The following SPSB4 variants were observed in gnomAD, a reference collection of about 807,000 sequenced individuals.
SPSB4 encodes the protein SPRY domain-containing SOCS box protein 4.
Under a neutral mutation model 20.9 loss-of-function variants are expected in SPSB4, and 21 were observed. The ratio of observed to expected loss-of-function variants is 1.01; its 90% confidence interval spans 0.71 to 1.45. The LOEUF is 1.45. Ranked by LOEUF, SPSB4 falls within the 40% of genes most tolerant of loss-of-function variation. The pLI, the probability that SPSB4 is intolerant of heterozygous loss-of-function variation, is 0.00. For synonymous variants in SPSB4, 207 were observed against 183.8 expected, an observed-to-expected ratio of 1.13 and a Z score of -1.02; for missense variants, 399 against 399.2, an observed-to-expected ratio of 1.00 and a Z score of 0.00.
chr3:141,060,975 G>C (rs1937749286), intron 1 of SPSB4, among the ~76,000 whole-genome samples: 1 of 152,004 alleles, frequency 6.6e-6, no homozygotes, highest in African/African-American at 2.4e-5. Context: ...TATATTTGTT[G>C]GTAATTTGTG....
intron 1 of SPSB4, among the ~76,000 whole-genome samples, chr3:141,063,697 G>A (rs866948590): frequency 5.3e-5 from 8 of 152,276 alleles, no homozygotes; most frequent in Admixed American, 3.3e-4. Flanking sequence ...TGTCCTGTTC[G>A]TTTATTCCTT....
At chr3:141,088,110 T>C (rs763537207) in intron 2 of SPSB4, among the ~76,000 whole-genome samples, 3 of 152,158 alleles carry the variant, frequency 2.0e-5, no homozygotes, top group Non-Finnish European at 4.4e-5. Flanking sequence ...GAGTTCCATC[T>C]GGTCCTGAAA....
At chr3:141,141,272 C>T (rs1013170519) in intron 2 of SPSB4, among the ~76,000 whole-genome samples, 2 of 152,234 alleles carry the variant, frequency 1.3e-5, no homozygotes, top group Non-Finnish European at 2.9e-5. Context: ...TGACCCCTTG[C>T]ACTTCCCAGG....
At chr3:141,135,723 T>G (rs1480979111) in intron 2 of SPSB4, among the ~76,000 whole-genome samples, 1 of 152,232 alleles carries the variant, frequency 6.6e-6, no homozygotes, top group Non-Finnish European at 1.5e-5. Context: ...GTGCCATATT[T>G]TCTTAATCCA....
intron 2 of SPSB4, among the ~76,000 whole-genome samples, chr3:141,123,156 T>G (rs1453990075): frequency 6.6e-6 from 1 of 152,262 alleles, no homozygotes; most frequent in African/African-American, 2.4e-5. Context: ...TAATCCTTAG[T>G]TGTAATACAC....
intron 2 of SPSB4, among the ~76,000 whole-genome samples, chr3:141,069,649 GCACT>G (rs1228225565): frequency 1.3e-5 from 2 of 152,188 alleles, no homozygotes; most frequent in Non-Finnish European, 2.9e-5. Flanking sequence ...CCTGGCCCCA[GCACT>G]CAACAAATGG....
At chr3:141,077,194 G>T (rs1938131566) in intron 2 of SPSB4, 1 of 152,224 alleles carries the variant, frequency 6.6e-6, no homozygotes, top group Non-Finnish European at 1.5e-5. Context: ...AGGACTCGGT[G>T]CCTCCTTAAT....
At chr3:141,080,230 T>G (rs1360030371) in intron 2 of SPSB4, 1 of 152,200 alleles carries the variant, frequency 6.6e-6, no homozygotes. Flanking sequence ...GGTTGCACCA[T>G]GAGTGGTAGA....
chr3:141,086,953 GTGCTATCCTGCTTGGGA>G (rs995877516), intron 2 of SPSB4, among the ~76,000 whole-genome samples: 15 of 152,196 alleles, frequency 9.9e-5, no homozygotes, highest in Non-Finnish European at 1.8e-4. Context: ...TCCAGAGCCT[GTGCTATCCTGCTTGGGA>G]ACACTGATTC....
chr3:141,070,395 C>T (rs1266861660), intron 2 of SPSB4, among the ~76,000 whole-genome samples: 3 of 152,004 alleles, frequency 2.0e-5, no homozygotes, highest in Admixed American at 2.0e-4. Context: ...TGCGGTTGTG[C>T]AATCATTGCT....
intron 2 of SPSB4, among the ~76,000 whole-genome samples, chr3:141,092,325 A>T (rs1185418117): frequency 6.6e-6 from 1 of 152,242 alleles, no homozygotes; most frequent in East Asian, 1.9e-4. Context: ...TATTAGCATT[A>T]GCATTAGCAT....
At chr3:141,083,246 G>A (rs1428946044) in intron 2 of SPSB4, among the ~76,000 whole-genome samples, 1 of 152,216 alleles carries the variant, frequency 6.6e-6, no homozygotes, top group Admixed American at 6.5e-5. Context: ...AGGAGATAGA[G>A]GGCTAGAGTG....
rs141152118 is a variant in SPSB4 at position 141,066,631 on chromosome 3, C to T, written c.527C>T (p.Ser176Leu). 1,247 of 1,609,292 alleles carry T rather than the reference C, an allele frequency of 7.7e-4. 9 individuals carry two copies. In the African/African-American group the frequency reaches 0.014, roughly 18 times the overall value. The change falls in exon 2 of 3, where the codon TCG (serine) becomes TTG (leucine). Residue 176 changes from serine to leucine, a missense_variant. Physicochemically the swap from Ser to Leu is moderately radical, Grantham distance 145 (BLOSUM62 -2). Transcript: ENST00000310546. ...GPDEAFALPDSLLVVLDMDEG... is the reference protein window; with the variant it reads ...GPDEAFALPDLLLVVLDMDEG... ...GACGAGGCCTTTGCGCTGCCCGACT[C>T]GCTGCTCGTGGTGCTGGACATGGAT...
At chr3:141,132,384 T>G (rs1576541835) in intron 2 of SPSB4, 1 of 246,338 alleles carries the variant, frequency 4.1e-6, no homozygotes, top group Non-Finnish European at 8.1e-6. Context: ...GCCAGGCTGG[T>G]CTCAAACTCC....
chr3:141,135,046 T>C (rs910467458), intron 2 of SPSB4, among the ~76,000 whole-genome samples: 2 of 152,066 alleles, frequency 1.3e-5, no homozygotes, highest in African/African-American at 4.8e-5. Flanking sequence ...AACAGGGCTC[T>C]CTTATCTTTA....
At chr3:141,128,264 C>G (rs191565962) in intron 2 of SPSB4, among the ~76,000 whole-genome samples, 1 of 152,088 alleles carries the variant, frequency 6.6e-6, no homozygotes, top group East Asian at 1.9e-4. Context: ...GAGGATCTGG[C>G]AGTCAAGAAT....
chr3:141,062,396 T>A (rs1937783335), intron 1 of SPSB4, among the ~76,000 whole-genome samples: 1 of 152,050 alleles, frequency 6.6e-6, no homozygotes, highest in Admixed American at 6.6e-5. Context: ...TTATTGATTT[T>A]GTTTTGTTTT....
At chr3:141,072,346 T>C (rs1051088154) in intron 2 of SPSB4, among the ~76,000 whole-genome samples, 5 of 152,212 alleles carry the variant, frequency 3.3e-5, no homozygotes, top group Admixed American at 6.5e-5. Flanking sequence ...TGGATATTTG[T>C]TTCCTACAAA....
intron 2 of SPSB4, among the ~76,000 whole-genome samples, chr3:141,146,917 A>G (rs1939423043): frequency 6.6e-6 from 1 of 152,012 alleles, no homozygotes; most frequent in African/African-American, 2.4e-5. Flanking sequence ...CACCCATTGA[A>G]TTGATTTTGT....
Sources: allele counts gnomAD v4.1 joint callset (sites outside exome capture counted in the v4.1 genomes callset), GRCh38; gene constraint gnomAD v4.1.1; transcripts MANE v1.5; gene names NCBI Gene and HGNC (gene_info 2026-07-23, HGNC 2026-07-21).